Variants in ATXN1 observed in about 807,000 individuals in gnomAD.
ATXN1 encodes the protein ataxin-1.
A neutral mutation model predicts 56.4 loss-of-function variants in ATXN1; 8 were observed. That is an observed-to-expected ratio of 0.14 (90% confidence interval 0.08 to 0.26). ATXN1 has a LOEUF of 0.26. Among genes scored for constraint, ATXN1 ranks in the 10% least tolerant of loss-of-function variants. The probability of loss-of-function intolerance (pLI) is 1.00; values close to 1 mark genes in which losing one functional copy is unlikely to be tolerated. For missense variants in ATXN1, 987 were observed against 1,106.5 expected (o/e 0.89, Z 1.53); for synonymous variants, 514 against 494.6 (o/e 1.04, Z -0.52).
chr6:16,466,255 T>G (rs1180963639), intron 6 of ATXN1, among the ~76,000 whole-genome samples: 1 of 142,674 alleles, frequency 7.0e-6, no homozygotes, highest in Non-Finnish European at 1.5e-5. Flanking sequence ...GGGGCAGAGA[T>G]TGCAGTGAGC....
At chr6:16,504,287 G>A (rs1760940787) in intron 5 of ATXN1, among the ~76,000 whole-genome samples, 1 of 152,160 alleles carries the variant, frequency 6.6e-6, no homozygotes, top group African/African-American at 2.4e-5. Flanking sequence ...GGACTGGTTT[G>A]GGCTTCCAGA....
intron 6 of ATXN1, among the ~76,000 whole-genome samples, chr6:16,451,692 T>C (rs1403866313): frequency 6.6e-6 from 1 of 151,646 alleles, no homozygotes; most frequent in African/African-American, 2.4e-5. Flanking sequence ...GAGGCGGAGG[T>C]TGCAGTGAGC....
At chr6:16,699,794 T>C (rs925775716) in intron 2 of ATXN1, among the ~76,000 whole-genome samples, 1 of 152,232 alleles carries the variant, frequency 6.6e-6, no homozygotes, top group African/African-American at 2.4e-5. Context: ...CTGTGTCCCT[T>C]AGAAGAAAAA....
At chr6:16,711,407 T>G (rs921197009) in intron 2 of ATXN1, among the ~76,000 whole-genome samples, 2 of 151,972 alleles carry the variant, frequency 1.3e-5, no homozygotes, top group Non-Finnish European at 2.9e-5. Context: ...TAAATTAGAC[T>G]TCATTAAAAT....
chr6:16,627,654 G>A (rs144109553), intron 3 of ATXN1, among the ~76,000 whole-genome samples: 2,099 of 152,250 alleles, frequency 0.014, 30 homozygotes, highest in Middle Eastern at 0.027. Context: ...TTGAACCTGG[G>A]AGGCAGAGGC....
In ATXN1 at chr6:16,316,678, C is replaced by T. The variant is rs142950610; in HGVS notation, c.1917+9716G>A. 6.1e-3 allele frequency among the ~76,000 whole-genome samples: 925 copies of T among 151,806 alleles called. 11 individuals carry two copies. Among genetic ancestry groups the T allele is most frequent in the South Asian group, 0.029 (140 of 4,796 alleles). Reference sequence around the variant, plus strand: ...AGGAGAATTGCTTGAACCTGGGAGGCGGAGGTTGCAGTGAGCCAAGATCAC... The same window carrying T: ...AGGAGAATTGCTTGAACCTGGGAGGTGGAGGTTGCAGTGAGCCAAGATCAC... On this transcript the variant is annotated intron_variant, in intron 7 of 7. Coordinates refer to ENST00000436367, the MANE Select transcript of ATXN1 (RefSeq NM_001128164.2).
intron 5 of ATXN1, among the ~76,000 whole-genome samples, chr6:16,502,737 G>A (rs1161850357): frequency 1.3e-5 from 2 of 152,100 alleles, no homozygotes; most frequent in African/African-American, 4.8e-5. Flanking sequence ...CAGTCCAATC[G>A]CACACAAAGA....
chr6:16,530,876 C>G (rs750658715), intron 4 of ATXN1, among the ~76,000 whole-genome samples: 8 of 152,052 alleles, frequency 5.3e-5, no homozygotes, highest in Non-Finnish European at 1.2e-4. Context: ...CATTTCTTTC[C>G]CATTATCTCA....
chr6:16,703,828 T>C (rs1252553408), intron 2 of ATXN1, among the ~76,000 whole-genome samples: 1 of 152,204 alleles, frequency 6.6e-6, no homozygotes, highest in Non-Finnish European at 1.5e-5. Context: ...GAGACCAATC[T>C]GGCCAACATA....
At chr6:16,358,181 G>C (rs1761730667) in intron 6 of ATXN1, among the ~76,000 whole-genome samples, 1 of 152,194 alleles carries the variant, frequency 6.6e-6, no homozygotes, top group Non-Finnish European at 1.5e-5. Context: ...TGGGGATGTG[G>C]TGAAACGGGA....
chr6:16,579,658 GTTTA>G lies in ATXN1; in HGVS notation c.-361+6118_-361+6121del, dbSNP rs1762492495. On this transcript the variant is annotated intron_variant, in intron 4 of 7. Transcript: ENST00000436367. ...CTGAATTCTTGTTTTGTTTGGCTAT[GTTTA>G]TTTGTTTAGGTACTCAGGAAAATCT... Among the ~76,000 whole-genome samples, 5 of 152,194 alleles carry G rather than the reference GTTTA, an allele frequency of 3.3e-5. No individual in the cohort carries two copies. The South Asian group carries it at 1.0e-3, about 32-fold the overall frequency.
At chr6:16,726,324 T>C (rs1581396980) in intron 2 of ATXN1, among the ~76,000 whole-genome samples, 1 of 140,568 alleles carries the variant, frequency 7.1e-6, no homozygotes, top group East Asian at 2.1e-4. Context: ...GAGGCTGCAG[T>C]GAGTCAAGAT....
intron 6 of ATXN1, among the ~76,000 whole-genome samples, chr6:16,337,711 T>G (rs1188043574): frequency 6.6e-6 from 1 of 152,218 alleles, no homozygotes; most frequent in African/African-American, 2.4e-5. Context: ...ACGTTTCTGT[T>G]TATCCACCAC....
intron 2 of ATXN1, among the ~76,000 whole-genome samples, chr6:16,711,153 C>CA (rs1246761957): frequency 6.6e-6 from 1 of 152,104 alleles, no homozygotes; most frequent in African/African-American, 2.4e-5. Context: ...TGATTTTTGA[C>CA]AAAGGTGTGA....
intron 2 of ATXN1, among the ~76,000 whole-genome samples, chr6:16,692,240 A>G (rs1759063216): frequency 6.6e-6 from 1 of 152,244 alleles, no homozygotes; most frequent in Non-Finnish European, 1.5e-5. Context: ...TGGGCGACTG[A>G]GCGAGACTCT....
chr6:16,338,125 T>C (rs950005558), intron 6 of ATXN1, among the ~76,000 whole-genome samples: 4 of 152,176 alleles, frequency 2.6e-5, no homozygotes, highest in African/African-American at 9.7e-5. Flanking sequence ...GTAGTTAGAG[T>C]GGGCTACGCC....
rs561474991 is a variant in ATXN1, at chr6:16,344,590, G to A, written c.-160-16120C>T. ...CCCGACTTGAAGTTCTTCAGCTTTT[G>A]GACTCTTGGACCTACACTAATGGTT... On this transcript the variant is annotated intron_variant, in intron 6 of 7. Transcript: ENST00000436367. Among the ~76,000 whole-genome samples, 3 of 152,238 alleles carry A rather than the reference G, an allele frequency of 2.0e-5. No homozygotes were observed. The East Asian group carries it at 5.8e-4, about 29-fold the overall frequency.
chr6:16,634,989 G>A (rs1216547992), intron 3 of ATXN1, among the ~76,000 whole-genome samples: 1 of 151,984 alleles, frequency 6.6e-6, no homozygotes, highest in African/African-American at 2.4e-5. Context: ...CCAACCCCTG[G>A]GCTACAGACC....
chr6:16,320,226 C>T (rs1478720044), intron 7 of ATXN1, among the ~76,000 whole-genome samples: 2 of 151,744 alleles, frequency 1.3e-5, no homozygotes, highest in Non-Finnish European at 2.9e-5. Flanking sequence ...CAGAAGTCAA[C>T]CAAAAAATAG....
Sources: gnomAD v4.1 joint callset for allele counts (sites outside exome capture counted in the v4.1 genomes callset) on GRCh38, gnomAD v4.1.1 for gene constraint, MANE v1.5 for transcripts, NCBI Gene and HGNC (gene_info 2026-07-23, HGNC 2026-07-21) for gene names.